The following NAALADL2 variants were observed in gnomAD, a reference collection of about 807,000 sequenced individuals.
NAALADL2 encodes the protein inactive N-acetylated-alpha-linked acidic dipeptidase-like protein 2.
In NAALADL2, 76 loss-of-function variants were observed where a neutral mutation model predicts 87.2. The observed-to-expected ratio is 0.87, with a 90% CI of 0.72 to 1.05. NAALADL2 has a LOEUF of 1.05. Among genes scored for constraint, NAALADL2 ranks in the 50% least tolerant of loss-of-function variants. NAALADL2 has a pLI of 0.00. For missense variants in NAALADL2, 1,089 were observed against 945.8 expected (o/e 1.15, Z -1.99); for synonymous variants, 354 against 331.0 (o/e 1.07, Z -0.75).
At chr3:175,016,379 G>A (rs1750816209) in intron 1 of NAALADL2, among the ~76,000 whole-genome samples, 1 of 150,776 alleles carries the variant, frequency 6.6e-6, no homozygotes, top group Non-Finnish European at 1.5e-5. Context: ...TATTGACAAG[G>A]AAAGATGCTT....
At chr3:174,794,216 A>T (rs946742801) in intron 3 of NAALADL2, among the ~76,000 whole-genome samples, 10 of 152,112 alleles carry the variant, frequency 6.6e-5, no homozygotes, top group Admixed American at 6.6e-4. Context: ...TCAGAATGAT[A>T]GTCTTCTGCC....
At chr3:174,743,879 A>G (rs1374309815) in intron 3 of NAALADL2, among the ~76,000 whole-genome samples, 1 of 151,914 alleles carries the variant, frequency 6.6e-6, no homozygotes, top group Non-Finnish European at 1.5e-5. Context: ...TGAAACATGA[A>G]TAAAAGCTTT....
chr3:174,987,568 C>CAA (rs1159602995), intron 1 of NAALADL2, among the ~76,000 whole-genome samples: 819 of 20,810 alleles, frequency 0.039, 184 homozygotes, highest in East Asian at 0.077. Context: ...GACTCCGTCT[C>CAA]AAAAAAAAAA....
intron 1 of NAALADL2, among the ~76,000 whole-genome samples, chr3:174,534,978 T>C (rs1459286363): frequency 6.6e-6 from 1 of 152,192 alleles, no homozygotes; most frequent in Non-Finnish European, 1.5e-5. Context: ...ACACTATAGC[T>C]ATTGGCAATA....
intron 9 of NAALADL2, among the ~76,000 whole-genome samples, chr3:175,519,183 C>A (rs1405162050): frequency 6.6e-6 from 1 of 152,156 alleles, no homozygotes; most frequent in Non-Finnish European, 1.5e-5. Flanking sequence ...GTCAGATTTT[C>A]TTTATGGCCA....
chr3:175,061,034 G>A (rs1008335099), intron 1 of NAALADL2, among the ~76,000 whole-genome samples: 9 of 151,950 alleles, frequency 5.9e-5, no homozygotes, highest in Non-Finnish European at 8.8e-5. Context: ...CAACAAGAGC[G>A]AAACTCCGTC....
chr3:174,817,298 G>T (rs1720914394), intron 3 of NAALADL2, among the ~76,000 whole-genome samples: 1 of 152,186 alleles, frequency 6.6e-6, no homozygotes, highest in Non-Finnish European at 1.5e-5. Flanking sequence ...ATGATAATTT[G>T]ATTTTTATCA....
At chr3:175,327,148 C>CTCTTTTTTTTTTTTTTTT (rs1760811308) in intron 5 of NAALADL2, among the ~76,000 whole-genome samples, 42 of 99,510 alleles carry the variant, frequency 4.2e-4, no homozygotes, top group African/African-American at 1.6e-3. Context: ...GTCTACATTT[C>CTCTTTTTTTTTTTTTTTT]TTTTTTTTTT....
intron 5 of NAALADL2, among the ~76,000 whole-genome samples, chr3:175,344,686 T>C (rs926580871): frequency 1.3e-5 from 2 of 152,060 alleles, no homozygotes; most frequent in Admixed American, 1.3e-4. Flanking sequence ...TCCAGAAATG[T>C]TGGAGAAGTA....
intron 5 of NAALADL2, among the ~76,000 whole-genome samples, chr3:175,326,186 C>T (rs1173824272): frequency 6.6e-6 from 1 of 152,222 alleles, no homozygotes; most frequent in Non-Finnish European, 1.5e-5. Flanking sequence ...GGACACAATT[C>T]AGTCAAATTC....
intron 5 of NAALADL2, among the ~76,000 whole-genome samples, chr3:175,419,441 A>G (rs1248865527): frequency 1.3e-5 from 2 of 152,028 alleles, no homozygotes; most frequent in Non-Finnish European, 2.9e-5. Context: ...ACAAAAGCCT[A>G]TAAACAGATG....
intron 11 of NAALADL2, among the ~76,000 whole-genome samples, chr3:175,720,004 A>T (rs1459348037): frequency 6.6e-6 from 1 of 152,296 alleles, no homozygotes; most frequent in East Asian, 1.9e-4. Flanking sequence ...CAAAGACCTT[A>T]CTTTCTAATA....
chr3:174,882,642 T>C (rs1171411041), intron 1 of NAALADL2, among the ~76,000 whole-genome samples: 1 of 145,434 alleles, frequency 6.9e-6, no homozygotes, highest in Non-Finnish European at 1.5e-5. Flanking sequence ...TATACACATA[T>C]GTGCATATAC....
chr3:175,738,524 G>T (rs1744825358), intron 12 of NAALADL2, among the ~76,000 whole-genome samples: 2 of 152,284 alleles, frequency 1.3e-5, no homozygotes, highest in African/African-American at 2.4e-5. Context: ...TGGAATTACA[G>T]GCATGAGCCA....
chr3:175,247,211 G>A (rs1008204033), intron 3 of NAALADL2, among the ~76,000 whole-genome samples: 1 of 151,950 alleles, frequency 6.6e-6, no homozygotes. Context: ...ATAGTGAAAT[G>A]TAAACATTGT....
intron 5 of NAALADL2, among the ~76,000 whole-genome samples, chr3:175,442,842 C>T (rs1416369290): frequency 6.6e-6 from 1 of 152,158 alleles, no homozygotes; most frequent in African/African-American, 2.4e-5. Context: ...ATGCTGCAAG[C>T]TAAAAGTTAA....
intron 5 of NAALADL2, among the ~76,000 whole-genome samples, chr3:175,425,860 C>T (rs965959948): frequency 6.6e-6 from 1 of 151,888 alleles, no homozygotes; most frequent in East Asian, 1.9e-4. Context: ...TTTAAGTAAT[C>T]CTCTAATGTA....
intron 2 of NAALADL2, among the ~76,000 whole-genome samples, chr3:174,648,956 T>C (rs936570422): frequency 1.2e-4 from 19 of 152,062 alleles, no homozygotes; most frequent in Admixed American, 1.2e-3. Flanking sequence ...TTTGTTTTTG[T>C]TTTTGTTTTG....
intron 1 of NAALADL2, among the ~76,000 whole-genome samples, chr3:174,905,753 T>TTTATC (rs1732881539): frequency 6.6e-6 from 1 of 152,018 alleles, no homozygotes; most frequent in African/African-American, 2.4e-5. Flanking sequence ...TAAATCTCTA[T>TTTATC]TGTGGTATCT....
Sources: allele counts gnomAD v4.1 joint callset (sites outside exome capture counted in the v4.1 genomes callset), GRCh38; gene constraint gnomAD v4.1.1; transcripts MANE v1.5; gene names NCBI Gene and HGNC (gene_info 2026-07-23, HGNC 2026-07-21).